Variants in TMEM131 observed in about 807,000 individuals in gnomAD.
The protein encoded by TMEM131 is 2610524E03Rik.
A neutral mutation model predicts 211.6 loss-of-function variants in TMEM131; 66 were observed. That is an observed-to-expected ratio of 0.31 (90% CI 0.26 to 0.38). The LOEUF (loss-of-function observed/expected upper bound fraction) is 0.38. TMEM131 is among the 10% of genes least tolerant of loss of function. The pLI is 1.00. For missense variants in TMEM131, 2,036 were observed against 2,299.3 expected, an observed-to-expected ratio of 0.89 and a Z score of 2.34; for synonymous variants, 844 against 841.3, an observed-to-expected ratio of 1.00 and a Z score of -0.06.
chr2:97,806,253 C>T (rs574091376), intron 19 of TMEM131, among the ~76,000 whole-genome samples: 2 of 152,136 alleles, frequency 1.3e-5, no homozygotes, highest in Non-Finnish European at 2.9e-5. Context: ...AAACAGTACA[C>T]AAGCTGGGCA....
At position 97,910,359 on chromosome 2, in the gene TMEM131, C is replaced by A. The variant is rs954181799; in HGVS notation, c.250-1661G>T. ...AATTAAACATAGAATTACCATACGA[C>A]CCGCAATCCCACTTCTGTGTATATA... On this transcript the variant is annotated intron_variant, in intron 2 of 40. Transcript: ENST00000186436. Among the ~76,000 whole-genome samples the A allele has an allele frequency of 3.3e-5, 5 of 152,132 alleles. No individual in the cohort carries two copies. In the East Asian group the frequency reaches 7.7e-4, roughly 23 times the overall value.
Position 97,757,092 on chromosome 2 carries a change from G to C in TMEM131, c.*7C>G. 4 of 1,569,778 alleles carry C rather than the reference G, an allele frequency of 2.5e-6. No homozygotes were observed. The highest frequency in any genetic ancestry group is 3.5e-6 in the Non-Finnish European group (4 of 1,155,576). ...GGCCCACTATGTTTGTTTGTTTTTTGCTTAATTTAATTCTCGTGAGGAAAG... is the reference window on the plus strand; with the variant it reads ...GGCCCACTATGTTTGTTTGTTTTTTCCTTAATTTAATTCTCGTGAGGAAAG... On this transcript the variant is annotated 3_prime_UTR_variant, in exon 41 of 41. Transcript: ENST00000186436.
At chr2:97,932,386 G>C (rs1471132758) in intron 1 of TMEM131, among the ~76,000 whole-genome samples, 1 of 151,928 alleles carries the variant, frequency 6.6e-6, no homozygotes, top group East Asian at 1.9e-4. Context: ...TTGTCTTCTT[G>C]CCACATTAGA....
chr2:97,966,677 A>T (rs1679073387), intron 1 of TMEM131, among the ~76,000 whole-genome samples: 2 of 152,214 alleles, frequency 1.3e-5, no homozygotes, highest in Non-Finnish European at 2.9e-5. Flanking sequence ...ACATAACATG[A>T]ATATGCAACA....
chr2:97,840,203 G>C (rs540614215), intron 7 of TMEM131, among the ~76,000 whole-genome samples: 1 of 152,322 alleles, frequency 6.6e-6, no homozygotes, highest in South Asian at 2.1e-4. Flanking sequence ...AAAAAGACTA[G>C]ATGAATTGAA....
At chr2:97,791,111 G>A (rs892776228) in intron 31 of TMEM131, among the ~76,000 whole-genome samples, 1 of 152,208 alleles carries the variant, frequency 6.6e-6, no homozygotes, top group African/African-American at 2.4e-5. Context: ...CAGAAAGGAA[G>A]ATGCAAAAAA....
At chr2:97,852,165 T>C (rs999682384) in intron 5 of TMEM131, among the ~76,000 whole-genome samples, 28 of 147,352 alleles carry the variant, frequency 1.9e-4, no homozygotes, top group African/African-American at 6.7e-4. Flanking sequence ...CATTCTCTTT[T>C]TTTTTTTTTT....
chr2:97,974,905 T>C (rs991459636), intron 1 of TMEM131, among the ~76,000 whole-genome samples: 7 of 152,124 alleles, frequency 4.6e-5, no homozygotes, highest in Non-Finnish European at 1.0e-4. Flanking sequence ...TTCTCAATAA[T>C]TGATGAATAA....
chr2:97,778,550 C>CA lies in TMEM131; in HGVS notation c.4145-2533dup, dbSNP rs555222671. On this transcript the variant is annotated intron_variant, in intron 31 of 40. Transcript: ENST00000186436. ...TGGGTGACAGAGCAAGACTTCATCTCAAAAAAAAAAAAAAATTATTGCATG... is the reference window on the plus strand; with the variant it reads ...TGGGTGACAGAGCAAGACTTCATCTCAAAAAAAAAAAAAAAATTATTGCATG... Among the ~76,000 whole-genome samples, 1,274 of 129,052 alleles carry CA rather than the reference C, an allele frequency of 9.9e-3. 6 individuals are homozygous for CA. The highest frequency in any genetic ancestry group is 0.021 in the East Asian group (96 of 4,494). The allele number at this position is 129,052 out of a possible 152,430, so 84.7% of individuals were successfully genotyped here. A position where few individuals can be genotyped will look rare whatever the true frequency, so the allele number is the denominator to read the frequency against.
chr2:97,986,055 T>G (rs1218200077), intron 1 of TMEM131, among the ~76,000 whole-genome samples: 1 of 151,726 alleles, frequency 6.6e-6, no homozygotes, highest in Admixed American at 6.6e-5. Flanking sequence ...GTCAAAAGAC[T>G]AAGTCAAAAA....
intron 1 of TMEM131, among the ~76,000 whole-genome samples, chr2:97,937,504 TCCAAAC>T (rs1193768040): frequency 6.6e-6 from 1 of 152,106 alleles, no homozygotes; most frequent in Non-Finnish European, 1.5e-5. Context: ...GTGACATTAG[TCCAAAC>T]TAAACTATTA....
Position 97,893,663 on chromosome 2 carries a change from T to C in TMEM131, c.291-5543A>G, listed in dbSNP as rs1675478781. Among the ~76,000 whole-genome samples, 3 of 152,200 alleles carry C rather than the reference T, an allele frequency of 2.0e-5. No individual in the cohort carries two copies. In the South Asian group the frequency reaches 6.2e-4, roughly 31 times the overall value. On this transcript the variant is annotated intron_variant, in intron 3 of 40. Transcript: ENST00000186436. ...ACCAGTGATGATGAGCTTTTTTAAATATGTTTGTTGGCCGCATAAATGTCT... is the reference window on the plus strand; with the variant it reads ...ACCAGTGATGATGAGCTTTTTTAAACATGTTTGTTGGCCGCATAAATGTCT...
chr2:97,908,256 A>G (rs1026979021), intron 3 of TMEM131, among the ~76,000 whole-genome samples: 1 of 152,174 alleles, frequency 6.6e-6, no homozygotes, highest in Non-Finnish European at 1.5e-5. Context: ...TCTCCAAGTC[A>G]CAAGACTGGG....
chr2:97,782,909 C>T (rs541777468), intron 31 of TMEM131, among the ~76,000 whole-genome samples: 1 of 150,354 alleles, frequency 6.7e-6, no homozygotes, highest in Admixed American at 6.6e-5. Flanking sequence ...GAAGAAGTAC[C>T]TAAAGAAACA....
Position 97,834,911 on chromosome 2 carries a change from A to G in TMEM131, c.819T>C (p.Tyr273=), listed in dbSNP as rs1573435577. ...TGGCTCTCATCACTCCCTTGGTTTC[A>G]TAAGGAGGAATTTCCTGACAAGTTA... ...GTRKLWEIPP[Y]ETKGVMRASF... The change falls in exon 9 of 41, where the codon TAT becomes TAC. Residue 273 remains tyrosine (Y), a synonymous_variant. Transcript: ENST00000186436. The G allele has an allele frequency of 6.2e-7, 1 of 1,613,678 alleles. No homozygotes were observed. The highest frequency in any genetic ancestry group is 2.2e-5 in the East Asian group (1 of 44,812).
At chr2:97,812,867 G>T in intron 15 of TMEM131, 118 bp from the exon 16 acceptor site, 1 of 565,318 alleles carries the variant, frequency 1.8e-6, no homozygotes, top group Non-Finnish European at 3.0e-6. Flanking sequence ...AGCTGGGCAT[G>T]GTGGTGTGCA....
chr2:97,956,154 T>C (rs781017254), intron 1 of TMEM131, among the ~76,000 whole-genome samples: 2 of 152,182 alleles, frequency 1.3e-5, no homozygotes, highest in Non-Finnish European at 2.9e-5. Context: ...CAAAATGACA[T>C]GCACAGACTA....
intron 11 of TMEM131, among the ~76,000 whole-genome samples, chr2:97,827,878 A>C (rs1682475473): frequency 6.6e-6 from 1 of 152,144 alleles, no homozygotes; most frequent in African/African-American, 2.4e-5. Flanking sequence ...AAGCATATTA[A>C]ATGGCAATAT....
intron 1 of TMEM131, among the ~76,000 whole-genome samples, chr2:97,966,284 T>C (rs1024723636): frequency 6.6e-6 from 1 of 152,052 alleles, no homozygotes; most frequent in Admixed American, 6.6e-5. Context: ...AGACAAAATC[T>C]TTCCGGGTGG....
Sources: gnomAD v4.1 joint callset for allele counts (sites outside exome capture counted in the v4.1 genomes callset) on GRCh38, gnomAD v4.1.1 for gene constraint, MANE v1.5 for transcripts, NCBI Gene and HGNC (gene_info 2026-07-23, HGNC 2026-07-21) for gene names.